The following ASTN1 variants were observed in gnomAD, a reference collection of about 807,000 sequenced individuals.
The protein encoded by ASTN1 is astrotactin-1.
Under a neutral mutation model 140.7 loss-of-function variants are expected in ASTN1, and 41 were observed. The observed-to-expected ratio is 0.29, with a 90% CI of 0.23 to 0.38. The LOEUF (loss-of-function observed/expected upper bound fraction) is 0.38, where lower values mean the gene tolerates loss of function less well. Ranked by LOEUF, ASTN1 falls within the 10% of genes least tolerant of loss-of-function variation. The pLI is 1.00. For synonymous variants in ASTN1, 640 were observed against 652.2 expected (o/e 0.98, Z 0.29); for missense variants, 1,479 against 1,678.8 (o/e 0.88, Z 2.08).
intron 1 of ASTN1, among the ~76,000 whole-genome samples, chr1:177,096,198 A>C (rs2102117358): frequency 6.6e-6 from 1 of 152,342 alleles, no homozygotes; most frequent in Non-Finnish European, 1.5e-5. Context: ...AATTTGCCTC[A>C]GGTTAAATAA....
At chr1:176,926,853 A>G (rs1231052372) in intron 16 of ASTN1, among the ~76,000 whole-genome samples, 1 of 152,192 alleles carries the variant, frequency 6.6e-6, no homozygotes, top group Non-Finnish European at 1.5e-5. Flanking sequence ...CCTAAGAACT[A>G]CATCAGCCTG....
At chr1:177,070,919 C>A (rs1179522728) in intron 1 of ASTN1, among the ~76,000 whole-genome samples, 1 of 152,202 alleles carries the variant, frequency 6.6e-6, no homozygotes, top group African/African-American at 2.4e-5. Context: ...CTAATATCAT[C>A]ATCAATATCA....
At chr1:177,007,710 G>A (rs181204742) in intron 8 of ASTN1, among the ~76,000 whole-genome samples, 171 of 152,202 alleles carry the variant, frequency 1.1e-3, no homozygotes, top group South Asian at 1.5e-3. Flanking sequence ...CACTCATTAG[G>A]GCACATTTTG....
intron 15 of ASTN1, 65 bp downstream of exon 15, chr1:176,936,201 C>G (rs902465338): frequency 7.0e-7 from 1 of 1,425,082 alleles, no homozygotes; most frequent in Non-Finnish European, 9.9e-7. Context: ...CCAAAGGCTT[C>G]TCCCCTTGGA....
chr1:176,990,657 T>G (rs530803088), intron 8 of ASTN1, among the ~76,000 whole-genome samples: 2 of 152,218 alleles, frequency 1.3e-5, no homozygotes, highest in South Asian at 4.1e-4. Context: ...TAAAGGACTC[T>G]AAAAATCACA....
chr1:177,063,499 C>T (rs1678200275), intron 1 of ASTN1, among the ~76,000 whole-genome samples: 1 of 152,148 alleles, frequency 6.6e-6, no homozygotes, highest in South Asian at 2.1e-4. Context: ...GTGACACAGA[C>T]TTCTCCAGGA....
chr1:176,975,293 G>A (rs1364352114), intron 8 of ASTN1, among the ~76,000 whole-genome samples: 1 of 152,194 alleles, frequency 6.6e-6, no homozygotes, highest in Non-Finnish European at 1.5e-5. Context: ...TCCCCAAGTG[G>A]CAAGGGTGAA....
At chr1:176,940,241 A>G (rs1427237494) in intron 14 of ASTN1, among the ~76,000 whole-genome samples, 2 of 152,084 alleles carry the variant, frequency 1.3e-5, no homozygotes, top group African/African-American at 4.8e-5. Flanking sequence ...CAGAAAACCA[A>G]CCCATTATCT....
chr1:176,863,034 G>A lies in ASTN1; in HGVS notation c.*1250C>T. 1.0e-6 allele frequency: 1 copy of A among 985,548 alleles called. No individual in the cohort carries two copies. The highest frequency in any genetic ancestry group is 1.2e-6 in the Non-Finnish European group (1 of 829,956). 61.1% of individuals were successfully genotyped at this position (985,548 alleles called of 1,614,324 possible). ...TTGCCAGGCTCTTTCTGAAAGGCTG[G>A]GCTTCCTGTTGGCTGGGCCACCATT... On this transcript the variant is annotated 3_prime_UTR_variant, in exon 23 of 23. Transcript: ENST00000361833.
intron 12 of ASTN1, 33 bp downstream of exon 12, chr1:176,949,152 A>T: frequency 6.2e-7 from 1 of 1,611,658 alleles, no homozygotes; most frequent in Non-Finnish European, 8.5e-7. Context: ...GGACAGATGG[A>T]CGCCAGGTGG....
intron 8 of ASTN1, among the ~76,000 whole-genome samples, chr1:176,986,482 T>C (rs1032078412): frequency 1.3e-5 from 2 of 152,084 alleles, no homozygotes; most frequent in South Asian, 2.1e-4. Context: ...ATTATGTGGG[T>C]GTTTGTGTTT....
intron 1 of ASTN1, among the ~76,000 whole-genome samples, chr1:177,121,250 A>G (rs1681370504): frequency 6.6e-6 from 1 of 152,122 alleles, no homozygotes. Context: ...CACTGGGTAA[A>G]AGATGGAAAG....
In ASTN1 at chr1:176,893,472, A is replaced by T. The variant is rs16850324; in HGVS notation, c.2940+1090T>A. On this transcript the variant is annotated intron_variant, in intron 17 of 22. Coordinates refer to ENST00000361833, the MANE Select transcript of ASTN1 (RefSeq NM_004319.3). ...GACAAACGTGTAGGCCACGAGAACA[A>T]TTTATCTTTTTGCTCCTGTGAAAAA... is the stretch of plus-strand genomic sequence containing the variant. Among the ~76,000 whole-genome samples, 181 of 152,252 alleles carry T rather than the reference A, an allele frequency of 1.2e-3. 3 individuals are homozygous for T. In the East Asian group the frequency reaches 0.029, roughly 25 times the overall value.
intron 3 of ASTN1, 112 bp downstream of exon 3, chr1:177,032,344 C>T (rs1676482597): frequency 1.3e-5 from 18 of 1,406,446 alleles, no homozygotes; most frequent in South Asian, 4.0e-5. Context: ...AAGGGCACTG[C>T]CACATCACAC....
chr1:177,124,572 T>A (rs983784906), intron 1 of ASTN1, among the ~76,000 whole-genome samples: 3 of 152,216 alleles, frequency 2.0e-5, no homozygotes, highest in Non-Finnish European at 4.4e-5. Context: ...TGGATTTCTA[T>A]GTCTGATGTA....
At chr1:176,860,580 G>C (rs939564683), downstream of ASTN1, among the ~76,000 whole-genome samples, 1 of 152,194 alleles carries the variant, frequency 6.6e-6, no homozygotes, top group Non-Finnish European at 1.5e-5. Context: ...GTGCAAGACA[G>C]GAATGTGTCT....
intron 13 of ASTN1, among the ~76,000 whole-genome samples, chr1:176,945,294 A>G (rs1671905293): frequency 6.6e-6 from 1 of 152,260 alleles, no homozygotes; most frequent in Admixed American, 6.5e-5. Flanking sequence ...GTACAATATT[A>G]GAAGTTAAAA....
At chr1:177,023,357 G>T in intron 7 of ASTN1, 47 bp downstream of exon 7, 1 of 1,530,606 alleles carries the variant, frequency 6.5e-7, no homozygotes, top group Non-Finnish European at 8.8e-7. Flanking sequence ...GATTGCAAGA[G>T]GCATGATCTC....
At chr1:177,030,770 A>T in intron 4 of ASTN1, 36 bp downstream of exon 4, 1 of 1,612,972 alleles carries the variant, frequency 6.2e-7, no homozygotes, top group South Asian at 1.1e-5. Flanking sequence ...AATATGAAGG[A>T]ATCCACCCAC....
Sources: allele counts gnomAD v4.1 joint callset (sites outside exome capture counted in the v4.1 genomes callset), GRCh38; gene constraint gnomAD v4.1.1; transcripts MANE v1.5; gene names NCBI Gene and HGNC (gene_info 2026-07-23, HGNC 2026-07-21).